DNAH6: variants seen among roughly 807,000 people sequenced by gnomAD.
The protein encoded by DNAH6 is dynein axonemal heavy chain 6, also known as axonemal beta dynein heavy chain 6.
In DNAH6, 340 loss-of-function variants were observed where a neutral mutation model predicts 491.4. The observed-to-expected ratio is 0.69, with a 90% CI of 0.63 to 0.76. DNAH6 has a LOEUF of 0.76. Among genes scored for constraint, DNAH6 ranks in the 30% least tolerant of loss-of-function variants. DNAH6 has a pLI of 0.00. For synonymous variants in DNAH6, 1,603 were observed against 1,686.1 expected (o/e 0.95, Z 1.21); for missense variants, 4,443 against 4,972.2 (o/e 0.89, Z 3.20).
At chr2:84,674,801 A>G (rs1693073496) in intron 40 of DNAH6, among the ~76,000 whole-genome samples, 1 of 152,160 alleles carries the variant, frequency 6.6e-6, no homozygotes, top group South Asian at 2.1e-4. Flanking sequence ...ACCTCCCACC[A>G]GGCCAGCGCT....
the DNAH6 span, among the ~76,000 whole-genome samples, chr2:84,471,980 GAC>G: frequency 6.6e-6 from 1 of 152,128 alleles, no homozygotes; most frequent in African/African-American, 2.4e-5. Context: ...CACCTGGAGA[GAC>G]ACAAGCAAAT....
rs552755293 is a variant in DNAH6 at position 84,614,402 on chromosome 2, A to G, written c.3476-2484A>G. On this transcript the variant is annotated intron_variant, in intron 22 of 76. Transcript: ENST00000389394. ...TGGCTGAGGTAGTATACCATGGTATATCTACACACATTTTCTTTATCCACT... is the reference window on the plus strand; with the variant it reads ...TGGCTGAGGTAGTATACCATGGTATGTCTACACACATTTTCTTTATCCACT... Among the ~76,000 whole-genome samples the G allele has an allele frequency of 2.1e-3, 323 of 152,208 alleles. 2 individuals carry two copies. Among genetic ancestry groups the G allele is most frequent in the African/African-American group, 7.7e-3 (318 of 41,544 alleles).
At chr2:84,598,685 T>A (rs1400190127) in intron 18 of DNAH6, among the ~76,000 whole-genome samples, 3 of 152,194 alleles carry the variant, frequency 2.0e-5, no homozygotes, top group Non-Finnish European at 4.4e-5. Context: ...GGGACCTTTT[T>A]GTTTTGTTTT....
chr2:84,556,164 A>T (rs1680000462), intron 10 of DNAH6, among the ~76,000 whole-genome samples: 1 of 152,204 alleles, frequency 6.6e-6, no homozygotes, highest in Non-Finnish European at 1.5e-5. Context: ...AGATAGAAAA[A>T]ATCCTGTTTA....
chr2:84,599,953 G>A (rs1443382949), intron 18 of DNAH6, among the ~76,000 whole-genome samples: 1 of 152,052 alleles, frequency 6.6e-6, no homozygotes, highest in Non-Finnish European at 1.5e-5. Flanking sequence ...AATTTTTTAA[G>A]GTTTGTTTTA....
chr2:84,686,409 CTA>C, intron 43 of DNAH6, 73 bp from the exon 44 acceptor site: 1 of 837,598 alleles, frequency 1.2e-6, no homozygotes, highest in East Asian at 2.7e-5. Context: ...AGCTATTATT[CTA>C]TATGTTTTAT....
intron 40 of DNAH6, among the ~76,000 whole-genome samples, chr2:84,675,551 T>A (rs562043335): frequency 1.3e-5 from 2 of 152,240 alleles, no homozygotes; most frequent in Non-Finnish European, 2.9e-5. Flanking sequence ...GCCACTTCCT[T>A]GGCCAAATCT....
In DNAH6 at chr2:84,808,471, C is replaced by G; in HGVS notation, c.11668C>G (p.Arg3890Gly). The part of the protein sequence containing the change: ...ESLFVKDLQG[R>G]LNSLTTVLGQ... ...CCTTTTTGTCAAGGATCTTCAAGGA[C>G]GTCTGAACTCCTTGACCACCGTTCT... is the stretch of plus-strand genomic sequence containing the variant. The change falls in exon 72 of 77, where the codon CGT becomes GGT. Residue 3890 changes from arginine (R) to glycine (G), a missense_variant. Around this residue, in one of 3 missense-constraint regions of DNAH6, gnomAD observed 1,463 missense variants for 1,656.6 expected, o/e 0.88. Coordinates refer to ENST00000389394, the MANE Select transcript of DNAH6 (RefSeq NM_001370.2). 1 of 1,549,970 alleles carries G rather than the reference C, an allele frequency of 6.5e-7. No homozygotes were observed.
intron 43 of DNAH6, among the ~76,000 whole-genome samples, chr2:84,685,782 T>C (rs1694203732): frequency 6.6e-6 from 1 of 152,152 alleles, no homozygotes; most frequent in South Asian, 2.1e-4. Context: ...AGACCCCATC[T>C]CTACTAAAAA....
intron 66 of DNAH6, 144 bp downstream of exon 66, chr2:84,784,954 C>A: frequency 1.6e-6 from 1 of 620,322 alleles, no homozygotes; most frequent in Non-Finnish European, 2.9e-6. Context: ...TATCTTTTCA[C>A]CTATAACAAG....
chr2:84,584,000 T>C lies in DNAH6; in HGVS notation c.2231T>C (p.Ile744Thr), dbSNP rs1292374558. ...TGAGCAAACTATGTTTCCATTTAGA[T>C]TGAAAGCCTTGAAGATGAGGGGAAT... ...LLFLDEIQER[I>T]ESLEDEGNIV... The change falls in exon 15 of 77, where the codon ATT (isoleucine) becomes ACT (threonine). Residue 744 changes from isoleucine (I) to threonine (T), a missense_variant and splice_region_variant. Ile to Thr is a moderately conservative substitution (Grantham distance 89). Coordinates refer to ENST00000389394, the MANE Select transcript of DNAH6 (RefSeq NM_001370.2). 1.2e-6 allele frequency: 2 copies of C among 1,612,656 alleles called. No homozygotes were observed. Among genetic ancestry groups the C allele is most frequent in the African/African-American group, 1.3e-5 (1 of 74,978 alleles).
At chr2:84,579,958 A>C (rs1264374036) in intron 14 of DNAH6, among the ~76,000 whole-genome samples, 1 of 152,230 alleles carries the variant, frequency 6.6e-6, no homozygotes, top group Non-Finnish European at 1.5e-5. Flanking sequence ...CATTCTGCAG[A>C]TAAGGAAACA....
chr2:84,474,563 G>T, the DNAH6 span, among the ~76,000 whole-genome samples: 1,617 of 152,078 alleles, frequency 0.011, 41 homozygotes, highest in African/African-American at 0.037. Flanking sequence ...CTCATCATTT[G>T]TCTACTATTA....
intron 33 of DNAH6, among the ~76,000 whole-genome samples, chr2:84,642,750 C>CT (rs902425018): frequency 5.3e-5 from 8 of 152,148 alleles, no homozygotes; most frequent in African/African-American, 1.9e-4. Flanking sequence ...GTATTTCTCC[C>CT]TTCTATCCTA....
chr2:84,476,720 A>G, the DNAH6 span, among the ~76,000 whole-genome samples: 1 of 152,258 alleles, frequency 6.6e-6, no homozygotes, highest in South Asian at 2.1e-4. Flanking sequence ...ATTCTCTCCC[A>G]TTCATCCAAC....
chr2:84,776,354 A>C (rs1287515007), intron 64 of DNAH6, among the ~76,000 whole-genome samples: 1 of 152,254 alleles, frequency 6.6e-6, no homozygotes, highest in Non-Finnish European at 1.5e-5. Context: ...GGACTACACA[A>C]GATTAGTACC....
intron 11 of DNAH6, among the ~76,000 whole-genome samples, chr2:84,565,780 A>T (rs755297348): frequency 6.6e-6 from 1 of 151,940 alleles, no homozygotes; most frequent in African/African-American, 2.4e-5. Flanking sequence ...GGGTGCTCCA[A>T]TGTTGGCTGT....
chr2:84,808,213 CTG>C (rs1450648849), intron 71 of DNAH6, among the ~76,000 whole-genome samples, 200 bp from the exon 72 acceptor site: 1 of 151,036 alleles, frequency 6.6e-6, no homozygotes, highest in Non-Finnish European at 1.5e-5. Flanking sequence ...ACATAATTTT[CTG>C]TGATTGCTTC....
chr2:84,815,468 T>C (rs1680401326), intron 75 of DNAH6, among the ~76,000 whole-genome samples: 2 of 152,018 alleles, frequency 1.3e-5, no homozygotes. Flanking sequence ...CTCTTTCTTA[T>C]TTAATACAAA....
Sources: gnomAD v4.1 joint callset for allele counts (sites outside exome capture counted in the v4.1 genomes callset) on GRCh38, gnomAD v4.1.1 for gene constraint, gnomAD v4.1.1 regional missense constraint, MANE v1.5 for transcripts, NCBI Gene and HGNC (gene_info 2026-07-23, HGNC 2026-07-21) for gene names.